The following ANKRD29 variants were observed in gnomAD, a reference collection of about 807,000 sequenced individuals.
ANKRD29 encodes ankyrin repeat domain-containing protein 29.
Under a neutral mutation model 38.0 loss-of-function variants are expected in ANKRD29, and 32 were observed. The ratio of observed to expected loss-of-function variants is 0.84; its 90% CI spans 0.64 to 1.13. ANKRD29 has a LOEUF of 1.13. Ranked by LOEUF, ANKRD29 falls within the 50% of genes most tolerant of loss-of-function variation. The pLI, the probability that ANKRD29 is intolerant of heterozygous loss-of-function variation, is 0.00. For missense variants in ANKRD29, 357 were observed against 377.9 expected, an observed-to-expected ratio of 0.94 and a Z score of 0.46; for synonymous variants, 135 against 152.4, an observed-to-expected ratio of 0.89 and a Z score of 0.84.
intron 1 of ANKRD29, among the ~76,000 whole-genome samples, chr18:23,650,600 G>C (rs572350782): frequency 6.6e-6 from 1 of 152,178 alleles, no homozygotes; most frequent in Non-Finnish European, 1.5e-5. Flanking sequence ...AACAGTCGAC[G>C]AGAGGGAAGA....
At chr18:23,605,472 G>A (rs994538555) in intron 9 of ANKRD29, among the ~76,000 whole-genome samples, 10 of 151,860 alleles carry the variant, frequency 6.6e-5, no homozygotes, top group Non-Finnish European at 1.2e-4. Flanking sequence ...GAAGTGCTGA[G>A]ATTATAGGTG....
chr18:23,643,215 A>G (rs2060099827), intron 3 of ANKRD29, among the ~76,000 whole-genome samples: 1 of 152,212 alleles, frequency 6.6e-6, no homozygotes, highest in South Asian at 2.1e-4. Flanking sequence ...CCAGGAAGGC[A>G]CAGGCATTGT....
intron 3 of ANKRD29, among the ~76,000 whole-genome samples, chr18:23,641,959 G>A (rs920358746): frequency 6.6e-6 from 1 of 152,036 alleles, no homozygotes; most frequent in Admixed American, 6.5e-5. Flanking sequence ...AGATCATCAG[G>A]ATGACTTGCC....
At chr18:23,618,294 G>T (rs1412236598) in intron 7 of ANKRD29, among the ~76,000 whole-genome samples, 1 of 152,216 alleles carries the variant, frequency 6.6e-6, no homozygotes, top group Admixed American at 6.5e-5. Context: ...CCGTGTGTGG[G>T]TAGTGGGGCT....
At chr18:23,613,519 T>C (rs1183333857) in intron 8 of ANKRD29, among the ~76,000 whole-genome samples, 1 of 152,004 alleles carries the variant, frequency 6.6e-6, no homozygotes, top group Non-Finnish European at 1.5e-5. Context: ...CAAGATTAGA[T>C]TTTGCAAAGT....
intron 9 of ANKRD29, among the ~76,000 whole-genome samples, chr18:23,603,510 G>T (rs1568001706): frequency 1.3e-5 from 2 of 152,208 alleles, no homozygotes; most frequent in East Asian, 3.9e-4. Context: ...GCACATGCCT[G>T]TAATCCCAGC....
chr18:23,650,747 G>A (rs2060200547), intron 1 of ANKRD29, among the ~76,000 whole-genome samples: 1 of 152,082 alleles, frequency 6.6e-6, no homozygotes, highest in Non-Finnish European at 1.5e-5. Context: ...GCTGATTTTT[G>A]CCTAATATTG....
At chr18:23,646,604 A>G (rs186417745) in intron 2 of ANKRD29, 1 of 201,184 alleles carries the variant, frequency 5.0e-6, no homozygotes, top group African/African-American at 2.3e-5. Flanking sequence ...TATGATTCCT[A>G]TTAAATGATT....
Position 23,611,413 on chromosome 18 carries a change from G to C in ANKRD29, c.822+679C>G, listed in dbSNP as rs564388458. On this transcript the variant is annotated intron_variant, in intron 9 of 9. Transcript: ENST00000592179. ...CATTGATAACCACTGGCCGGGCGTG[G>C]TGCCTCATGTGTGTAATCCCAGCAC... 8.1e-4 allele frequency among the ~76,000 whole-genome samples: 124 copies of C among 152,282 alleles called. 1 individual carries two copies. The highest frequency in any genetic ancestry group is 1.2e-3 in the Non-Finnish European group (83 of 68,026).
At chr18:23,659,974 G>C (rs936381662) in intron 1 of ANKRD29, among the ~76,000 whole-genome samples, 4 of 151,692 alleles carry the variant, frequency 2.6e-5, no homozygotes, top group Non-Finnish European at 1.5e-5. Flanking sequence ...AGCCGGGCGT[G>C]GTGGCACATG....
At chr18:23,630,066 G>A in intron 5 of ANKRD29, 115 bp from the exon 6 acceptor site, 1 of 812,336 alleles carries the variant, frequency 1.2e-6, no homozygotes, top group East Asian at 2.7e-5. Flanking sequence ...GGGAGGCCTA[G>A]GTAGGTGAAT....
chr18:23,624,143 T>C (rs1176941452), intron 6 of ANKRD29, among the ~76,000 whole-genome samples: 1 of 152,052 alleles, frequency 6.6e-6, no homozygotes, highest in Non-Finnish European at 1.5e-5. Flanking sequence ...GAAATCATTG[T>C]GAAGTTATAA....
chr18:23,644,842 T>C lies in ANKRD29; in HGVS notation c.231+1347A>G, dbSNP rs547645299. 3.3e-5 allele frequency among the ~76,000 whole-genome samples: 5 copies of C among 152,358 alleles called. No homozygotes were observed. The South Asian group carries it at 1.0e-3, about 32-fold the overall frequency. Reference sequence around the variant, plus strand: ...CCTGAGCCTCTCAAGTAACTGGTACTATAGGTGTAGACCACCATGTCTGGC... The same window carrying C: ...CCTGAGCCTCTCAAGTAACTGGTACCATAGGTGTAGACCACCATGTCTGGC... On this transcript the variant is annotated intron_variant, in intron 3 of 9. Transcript: ENST00000592179.
chr18:23,616,548 T>C lies in ANKRD29; in HGVS notation c.723+1184A>G, dbSNP rs567702219. 8.4e-5 allele frequency among the ~76,000 whole-genome samples: 9 copies of C among 106,806 alleles called. No individual in the cohort carries two copies. The East Asian group carries it at 2.7e-3, about 32-fold the overall frequency. The allele number at this position is 106,806 out of a possible 152,430, so 70.1% of individuals were successfully genotyped here. On this transcript the variant is annotated intron_variant, in intron 8 of 9. Transcript: ENST00000592179. ...AATGTAAATTTATACTATATATATA[T>C]AGTATATATATATATACACTATATA...
At chr18:23,631,421 T>A (rs922840188) in intron 5 of ANKRD29, among the ~76,000 whole-genome samples, 1 of 151,726 alleles carries the variant, frequency 6.6e-6, no homozygotes, top group African/African-American at 2.4e-5. Flanking sequence ...TTTAAAAAAA[T>A]TTATAGTAGA....
intron 9 of ANKRD29, 94 bp from the exon 10 acceptor site, chr18:23,601,403 C>G: frequency 1.0e-6 from 1 of 974,588 alleles, no homozygotes. Flanking sequence ...CTTTCTCCTT[C>G]ACTAATGAAA....
At chr18:23,659,478 C>T (rs1274229583) in intron 1 of ANKRD29, among the ~76,000 whole-genome samples, 1 of 152,130 alleles carries the variant, frequency 6.6e-6, no homozygotes, top group Non-Finnish European at 1.5e-5. Flanking sequence ...GGTGCGGTGG[C>T]TTATGCCTGT....
At position 23,634,098 on chromosome 18, in the gene ANKRD29, C is replaced by G; in HGVS notation, c.382G>C (p.Val128Leu). 6.2e-7 allele frequency: 1 copy of G among 1,614,188 alleles called. No homozygotes were observed. The highest frequency in any genetic ancestry group is 8.5e-7 in the Non-Finnish European group (1 of 1,180,046). ...AASQYGHMQV[V>L]ETLLKHGANI... ...GCTCCGTGCTTCAGCAAGGTCTCCA[C>G]CACCTGCATGTGCCCGTACTGACTG... Residue 128 changes from valine to leucine, a missense_variant, in exon 5 of 10, where the codon GTG becomes CTG. By Grantham distance (32) the Val-to-Leu change is conservative. Coordinates refer to ENST00000592179, the MANE Select transcript of ANKRD29 (RefSeq NM_173505.4).
chr18:23,641,335 T>C (rs111896311), intron 3 of ANKRD29, among the ~76,000 whole-genome samples: 5 of 152,192 alleles, frequency 3.3e-5, no homozygotes, highest in African/African-American at 1.2e-4. Context: ...GAAGCCCCCA[T>C]TACCCCCACA....
Sources: gnomAD v4.1 joint callset for allele counts (sites outside exome capture counted in the v4.1 genomes callset) on GRCh38, gnomAD v4.1.1 for gene constraint, MANE v1.5 for transcripts, NCBI Gene and HGNC (gene_info 2026-07-23, HGNC 2026-07-21) for gene names.